The following TP53INP1 variants were observed in gnomAD, a reference collection of about 807,000 sequenced individuals.
TP53INP1 encodes tumor protein p53-inducible nuclear protein 1.
A neutral mutation model predicts 21.0 loss-of-function variants in TP53INP1; 12 were observed. The ratio of observed to expected loss-of-function variants is 0.57; its 90% CI spans 0.37 to 0.93. The LOEUF is 0.93. Ranked by LOEUF, TP53INP1 falls within the 40% of genes least tolerant of loss-of-function variation. TP53INP1 has a pLI of 0.01. For synonymous variants in TP53INP1, 91 were observed against 94.8 expected, an observed-to-expected ratio of 0.96 and a Z score of 0.23; for missense variants, 274 against 294.7, an observed-to-expected ratio of 0.93 and a Z score of 0.51.
In TP53INP1 at chr8:94,940,214, C is replaced by G. The variant is rs1172380210; in HGVS notation, c.119G>C (p.Cys40Ser). 6.2e-7 allele frequency: 1 copy of G among 1,607,584 alleles called. No individual in the cohort carries two copies. The highest frequency in any genetic ancestry group is 1.3e-5 in the African/African-American group (1 of 74,796). Residue 40 changes from cysteine (C) to serine (S), a missense_variant, in exon 3 of 4, where the codon TGC becomes TCC. Transcript: ENST00000342697. ...TTCTTCTTCTGCTGAGAAACCAGTG[C>G]AAGTATCTAGATCGTAGTCCACATT... ...EWILVDFIDT[C>S]TGFSAEEEEE...
Position 94,930,747 on chromosome 8 carries a change from G to T in TP53INP1, c.474-19C>A. 6.2e-7 allele frequency: 1 copy of T among 1,612,142 alleles called. No homozygotes were observed. The highest frequency in any genetic ancestry group is 8.5e-7 in the Non-Finnish European group (1 of 1,179,044). ...TTCCACTCTGAAACAGAAAAAAGTG[G>T]GGATGTATTAAATAACAGAGTATGT... is the stretch of plus-strand genomic sequence containing the variant. On this transcript the variant is annotated intron_variant, in intron 3 of 3. Transcript: ENST00000342697.
At chr8:94,932,040 A>G (rs1161808388) in intron 3 of TP53INP1, 11 of 1,601,846 alleles carry the variant, frequency 6.9e-6, no homozygotes, top group Non-Finnish European at 9.4e-6. Flanking sequence ...GCATACATAT[A>G]TCACACAGTC....
chr8:94,939,762 T>C (rs1821341070), intron 3 of TP53INP1, 98 bp downstream of exon 3: 1 of 1,495,032 alleles, frequency 6.7e-7, no homozygotes, highest in South Asian at 1.3e-5. Context: ...CTAACAAAAT[T>C]AGTTTTGCAT....
intron 2 of TP53INP1, 141 bp downstream of exon 2, chr8:94,940,689 C>A: frequency 1.6e-6 from 1 of 633,366 alleles, no homozygotes; most frequent in African/African-American, 1.9e-5. Context: ...AGATGGTTTC[C>A]TGCAATTTTT....
chr8:94,933,064 A>G (rs1820582739), intron 3 of TP53INP1, among the ~76,000 whole-genome samples: 1 of 152,104 alleles, frequency 6.6e-6, no homozygotes, highest in South Asian at 2.1e-4. Context: ...TTAAAATACA[A>G]AAAATTAGCT....
Position 94,930,296 on chromosome 8 carries a change from C to A in TP53INP1, c.*183G>T. 1.4e-6 allele frequency: 1 copy of A among 739,908 alleles called. No individual in the cohort carries two copies. The highest frequency in any genetic ancestry group is 2.1e-6 in the Non-Finnish European group (1 of 473,524). 45.8% of individuals were successfully genotyped at this position (739,908 alleles called of 1,614,324 possible). A position where few individuals can be genotyped will look rare whatever the true frequency, so the allele number is the denominator to read the frequency against. ...GTACAAAAAAAGTAAATGTTAAAGGCAAGGCATTATGTGATACACAGCATA... is the reference window on the plus strand; with the variant it reads ...GTACAAAAAAAGTAAATGTTAAAGGAAAGGCATTATGTGATACACAGCATA... On this transcript the variant is annotated 3_prime_UTR_variant, in exon 4 of 4. Transcript: ENST00000342697.
Position 94,928,149 on chromosome 8 carries a change from A to G in TP53INP1, c.*2330T>C, listed in dbSNP as rs1820061754. On this transcript the variant is annotated 3_prime_UTR_variant, in exon 4 of 4. Coordinates refer to ENST00000342697, the MANE Select transcript of TP53INP1 (RefSeq NM_033285.4). ...GGTGTGGTAATCCCAACCTTGAAAA[A>G]AAGCCCAACGAATGTAATTTTTTGT... The G allele has an allele frequency of 6.6e-6, 1 of 152,238 alleles. No homozygotes were observed. Among genetic ancestry groups the G allele is most frequent in the African/African-American group, 2.4e-5 (1 of 41,458 alleles). The allele number at this position is 152,238 out of a possible 1,614,324, so 9.4% of individuals were successfully genotyped here. A position where few individuals can be genotyped will look rare whatever the true frequency, so the allele number is the denominator to read the frequency against.
intron 3 of TP53INP1, among the ~76,000 whole-genome samples, chr8:94,936,800 G>C (rs1468020223): frequency 6.6e-6 from 1 of 152,150 alleles, no homozygotes; most frequent in Non-Finnish European, 1.5e-5. Flanking sequence ...CTCCCTGGAG[G>C]TGCCATCCTG....
chr8:94,940,986 G>T lies in TP53INP1; in HGVS notation c.-45C>A. The T allele has an allele frequency of 6.8e-7, 1 of 1,478,922 alleles. No individual in the cohort carries two copies. The highest frequency in any genetic ancestry group is 1.2e-5 in the South Asian group (1 of 86,166). The allele number at this position is 1,478,922 out of a possible 1,614,324, so 91.6% of individuals were successfully genotyped here. On this transcript the variant is annotated 5_prime_UTR_variant, in exon 2 of 4. Transcript: ENST00000342697. ...GTTTGGCTGGATGTCTTTTATAGCTGAGATTTCAAAACCTTGTCTTTAGTT... is the reference window on the plus strand; with the variant it reads ...GTTTGGCTGGATGTCTTTTATAGCTTAGATTTCAAAACCTTGTCTTTAGTT...
chr8:94,932,162 TG>T lies in TP53INP1; in HGVS notation c.474-1435del, dbSNP rs971845189. On this transcript the variant is annotated intron_variant, in intron 3 of 3. Coordinates refer to ENST00000342697, the MANE Select transcript of TP53INP1 (RefSeq NM_033285.4). The stretch of plus-strand genomic sequence containing the variant: ...TCACTAGTAAGATTTAAAATGCTAT[TG>T]TAACTTTACTATTAGGACGTGGTCA... 24 of 1,566,276 alleles carry T rather than the reference TG, an allele frequency of 1.5e-5. No homozygotes were observed. The African/African-American group carries it at 3.1e-4, about 20-fold the overall frequency.
chr8:94,932,035 C>A, intron 3 of TP53INP1: 3 of 1,597,018 alleles, frequency 1.9e-6, no homozygotes, highest in Non-Finnish European at 2.6e-6. Flanking sequence ...CCTATGCATA[C>A]ATATATCACA....
At position 94,927,810 on chromosome 8, in the gene TP53INP1, A is replaced by G. The variant is rs1820031716; in HGVS notation, c.*2669T>C. ...CTTTTTCCAAGTAACATTCTATGTT[A>G]ACAGTTTAGAGCTACTAATTCAGAG... On this transcript the variant is annotated 3_prime_UTR_variant, in exon 4 of 4. Coordinates refer to ENST00000342697, the MANE Select transcript of TP53INP1 (RefSeq NM_033285.4). 2 of 152,744 alleles carry G rather than the reference A, an allele frequency of 1.3e-5. No homozygotes were observed. The highest frequency in any genetic ancestry group is 4.1e-4 in the South Asian group (2 of 4,828). The allele number at this position is 152,744 out of a possible 1,614,324, so 9.5% of individuals were successfully genotyped here.
intron 1 of TP53INP1, 21 bp from the exon 2 acceptor site, chr8:94,941,112 GA>G: frequency 3.4e-6 from 2 of 587,636 alleles, no homozygotes; most frequent in South Asian, 4.3e-5. Context: ...ACAGAAAAAG[GA>G]AGTTATTTCA....
rs1170057769 is a variant in TP53INP1, at chr8:94,930,329, G to C, written c.*150C>G. On this transcript the variant is annotated 3_prime_UTR_variant, in exon 4 of 4. Transcript: ENST00000342697. ...TATGTGATACACAGCATATAAATCT[G>C]ATTTTCAAGATAGTGTCTAAATACA... The C allele has an allele frequency of 3.6e-6, 4 of 1,125,676 alleles. No individual in the cohort carries two copies. In the East Asian group the frequency reaches 9.6e-5, roughly 27 times the overall value. 69.7% of individuals were successfully genotyped at this position (1,125,676 alleles called of 1,614,324 possible). A position where few individuals can be genotyped will look rare whatever the true frequency, so the allele number is the denominator to read the frequency against.
Position 94,928,003 on chromosome 8 carries a change from C to G in TP53INP1, c.*2476G>C, listed in dbSNP as rs1489984218. On this transcript the variant is annotated 3_prime_UTR_variant, in exon 4 of 4. Coordinates refer to ENST00000342697, the MANE Select transcript of TP53INP1 (RefSeq NM_033285.4). ...TTCTGTGTTGTGGTTGGCCTTGTGTCTTACATACAGGAGATGCCTAACATC... is the reference window on the plus strand; with the variant it reads ...TTCTGTGTTGTGGTTGGCCTTGTGTGTTACATACAGGAGATGCCTAACATC... 6.6e-6 allele frequency: 1 copy of G among 152,212 alleles called. No individual in the cohort carries two copies. Among genetic ancestry groups the G allele is most frequent in the East Asian group, 1.9e-4 (1 of 5,178 alleles). 9.4% of individuals were successfully genotyped at this position (152,212 alleles called of 1,614,324 possible).
intron 3 of TP53INP1, among the ~76,000 whole-genome samples, chr8:94,932,898 T>C (rs563143561): frequency 6.6e-6 from 1 of 152,346 alleles, no homozygotes; most frequent in South Asian, 2.1e-4. Context: ...GAGTTTCCTG[T>C]GTACAAAAAG....
intron 1 of TP53INP1, among the ~76,000 whole-genome samples, chr8:94,942,332 A>G (rs1426760018): frequency 6.6e-6 from 1 of 151,564 alleles, no homozygotes; most frequent in African/African-American, 2.4e-5. Flanking sequence ...GAGCTGCCGC[A>G]CCCGCATGCC....
At chr8:94,945,549 G>C (rs1350065950) in intron 1 of TP53INP1, 1 of 152,210 alleles carries the variant, frequency 6.6e-6, no homozygotes, top group Non-Finnish European at 1.5e-5. Flanking sequence ...TCCCTGCCCA[G>C]TCACTGCTAC....
intron 3 of TP53INP1, chr8:94,932,160 A>G: frequency 6.4e-7 from 1 of 1,568,410 alleles, no homozygotes; most frequent in Non-Finnish European, 8.7e-7. Context: ...TTAAAATGCT[A>G]TTGTAACTTT....
Sources: allele counts gnomAD v4.1 joint callset (sites outside exome capture counted in the v4.1 genomes callset), GRCh38; gene constraint gnomAD v4.1.1; transcripts MANE v1.5; gene names NCBI Gene and HGNC (gene_info 2026-07-23, HGNC 2026-07-21).